The following SLC14A2 variants were observed in gnomAD, a reference collection of about 807,000 sequenced individuals.
SLC14A2 encodes urea transporter 2.
In SLC14A2, 91 loss-of-function variants were observed where a neutral mutation model predicts 104.6. The observed-to-expected ratio is 0.87, with a 90% CI of 0.73 to 1.04. The LOEUF (loss-of-function observed/expected upper bound fraction) is 1.04. Ranked by LOEUF, SLC14A2 falls within the 50% of genes least tolerant of loss-of-function variation. The pLI, the probability that SLC14A2 is intolerant of heterozygous loss-of-function variation, is 0.00. For missense variants in SLC14A2, 1,189 were observed against 1,156.0 expected, an observed-to-expected ratio of 1.03 and a Z score of -0.41; for synonymous variants, 476 against 466.4, an observed-to-expected ratio of 1.02 and a Z score of -0.27.
At chr18:45,253,964 T>C (rs2084449042) in intron 1 of SLC14A2, among the ~76,000 whole-genome samples, 1 of 152,038 alleles carries the variant, frequency 6.6e-6, no homozygotes, top group Non-Finnish European at 1.5e-5. Flanking sequence ...TGGAAATTGG[T>C]GAAAGTGGAC....
At chr18:45,245,288 C>T (rs1320977095) in intron 1 of SLC14A2, among the ~76,000 whole-genome samples, 1 of 152,148 alleles carries the variant, frequency 6.6e-6, no homozygotes, top group Non-Finnish European at 1.5e-5. Context: ...TGTGTGAATA[C>T]TTTTAAGAAT....
At chr18:45,533,477 G>A (rs1464426706) in intron 2 of SLC14A2, among the ~76,000 whole-genome samples, 1 of 151,742 alleles carries the variant, frequency 6.6e-6, no homozygotes, top group Non-Finnish European at 1.5e-5. Flanking sequence ...TTTTCAAGTT[G>A]ATTTGCATAG....
chr18:45,503,282 C>T (rs1460021546), intron 2 of SLC14A2, among the ~76,000 whole-genome samples: 1 of 152,096 alleles, frequency 6.6e-6, no homozygotes, highest in Admixed American at 6.5e-5. Flanking sequence ...AGGGAACAGG[C>T]TATGGTGGGC....
chr18:45,482,008 T>G (rs2087503035), intron 1 of SLC14A2, among the ~76,000 whole-genome samples: 1 of 152,132 alleles, frequency 6.6e-6, no homozygotes, highest in Admixed American at 6.6e-5. Flanking sequence ...TGGAGACAAC[T>G]CAAGATAAAG....
chr18:45,539,707 T>C (rs1395225069), intron 2 of SLC14A2, among the ~76,000 whole-genome samples: 1 of 152,118 alleles, frequency 6.6e-6, no homozygotes. Context: ...TTCCAATGGC[T>C]TTGGGATCTT....
intron 2 of SLC14A2, among the ~76,000 whole-genome samples, chr18:45,506,783 G>A (rs189950175): frequency 6.9e-4 from 105 of 152,328 alleles, no homozygotes; most frequent in African/African-American, 2.4e-3. Flanking sequence ...GAAGTACCGA[G>A]TTTATTGGTA....
At chr18:45,191,392 A>G in the SLC14A2 span, among the ~76,000 whole-genome samples, 9 of 152,206 alleles carry the variant, frequency 5.9e-5, no homozygotes, top group African/African-American at 1.9e-4. Flanking sequence ...TATGTCCTGA[A>G]CTGTCAGTTC....
intron 2 of SLC14A2, among the ~76,000 whole-genome samples, chr18:45,518,240 C>G (rs944620502): frequency 6.6e-6 from 1 of 152,180 alleles, no homozygotes; most frequent in Non-Finnish European, 1.5e-5. Flanking sequence ...CTGATGCAAA[C>G]AGAGTCCCTG....
At chr18:45,608,450 T>C (rs9807259) in intron 2 of SLC14A2, among the ~76,000 whole-genome samples, 30,570 of 152,178 alleles carry the variant, frequency 0.2, 3,192 homozygotes, top group Non-Finnish European at 0.22. Context: ...CCGGAGTAAG[T>C]AGAAGAGCTG....
At chr18:45,326,364 C>G (rs1203548108) in intron 1 of SLC14A2, among the ~76,000 whole-genome samples, 1 of 152,016 alleles carries the variant, frequency 6.6e-6, no homozygotes, top group Non-Finnish European at 1.5e-5. Flanking sequence ...TTTGGATTCT[C>G]TATATCTTCT....
At chr18:45,538,229 T>C (rs927200424) in intron 2 of SLC14A2, among the ~76,000 whole-genome samples, 3 of 152,210 alleles carry the variant, frequency 2.0e-5, no homozygotes, top group Non-Finnish European at 4.4e-5. Context: ...GGCAGCCTCA[T>C]TGATCCCAGA....
intron 1 of SLC14A2, chr18:45,423,717 TC>T (rs2086382312): frequency 6.6e-6 from 1 of 152,190 alleles, no homozygotes; most frequent in African/African-American, 2.4e-5. Flanking sequence ...AAATATGACA[TC>T]CAGCATATCT....
chr18:45,444,533 C>T (rs1054562451), intron 1 of SLC14A2, among the ~76,000 whole-genome samples: 5 of 152,100 alleles, frequency 3.3e-5, no homozygotes, highest in African/African-American at 9.7e-5. Flanking sequence ...ATGATCTGTC[C>T]ATATTTAAAA....
intron 2 of SLC14A2, among the ~76,000 whole-genome samples, chr18:45,582,172 C>A (rs748136490): frequency 1.3e-5 from 2 of 152,150 alleles, no homozygotes; most frequent in Non-Finnish European, 2.9e-5. Context: ...GAATCAGACA[C>A]CAGGAGATGA....
chr18:45,198,422 A>G, the SLC14A2 span, among the ~76,000 whole-genome samples: 1 of 152,150 alleles, frequency 6.6e-6, no homozygotes. Flanking sequence ...GGTCACATTT[A>G]TGATGTGTTC....
intron 2 of SLC14A2, among the ~76,000 whole-genome samples, chr18:45,506,404 G>A (rs146443969): frequency 2.6e-5 from 4 of 152,256 alleles, no homozygotes; most frequent in African/African-American, 7.2e-5. Flanking sequence ...GAGCTGTAGT[G>A]GGTTGAATCG....
At chr18:45,659,319 G>A (rs774465201) in intron 10 of SLC14A2, among the ~76,000 whole-genome samples, 2 of 152,130 alleles carry the variant, frequency 1.3e-5, no homozygotes, top group Admixed American at 6.5e-5. Flanking sequence ...GTGAGGGGGT[G>A]GCAAAAAGTG....
chr18:45,329,459 A>G (rs963122266), intron 1 of SLC14A2, among the ~76,000 whole-genome samples: 1 of 152,200 alleles, frequency 6.6e-6, no homozygotes, highest in Admixed American at 6.5e-5. Flanking sequence ...ACAAATAGAA[A>G]AGACTGTGTC....
rs775819864 is a variant in SLC14A2, at chr18:45,637,146, G to A, written c.807G>A (p.Val269=). ...CACTGGTAGAGCCTGTGTCTTCAGT[G>A]CCCAATATCACCTGGACAGAGATGG... is the stretch of plus-strand genomic sequence containing the variant. ...PTTLVEPVSS[V]PNITWTEMEM... The change falls in exon 6 of 20, where the codon GTG becomes GTA. Residue 269 remains valine (V), a synonymous_variant. Transcript: ENST00000255226. 9 of 1,614,022 alleles carry A rather than the reference G, an allele frequency of 5.6e-6. No homozygotes were observed. Among genetic ancestry groups the A allele is most frequent in the South Asian group, 4.4e-5 (4 of 91,080 alleles).
Sources: gnomAD v4.1 joint callset for allele counts (sites outside exome capture counted in the v4.1 genomes callset) on GRCh38, gnomAD v4.1.1 for gene constraint, MANE v1.5 for transcripts, NCBI Gene and HGNC (gene_info 2026-07-23, HGNC 2026-07-21) for gene names.